The following NKAIN4 variants were observed in gnomAD, a reference collection of about 807,000 sequenced individuals.
The protein encoded by NKAIN4 is sodium/potassium-transporting ATPase subunit beta-1-interacting protein 4.
Under a neutral mutation model 28.8 loss-of-function variants are expected in NKAIN4, and 28 were observed. The ratio of observed to expected loss-of-function variants is 0.97; its 90% CI spans 0.72 to 1.33. The LOEUF (loss-of-function observed/expected upper bound fraction) is 1.33, where lower values mean the gene tolerates loss of function less well. Among genes scored for constraint, NKAIN4 ranks in the 40% most tolerant of loss-of-function variants. The pLI is 0.00. For missense variants in NKAIN4, 289 were observed against 277.2 expected, an observed-to-expected ratio of 1.04 and a Z score of -0.30; for synonymous variants, 122 against 115.6, an observed-to-expected ratio of 1.06 and a Z score of -0.36.
intron 2 of NKAIN4, among the ~76,000 whole-genome samples, chr20:63,249,672 G>A (rs2066921690): frequency 6.6e-6 from 1 of 152,158 alleles, no homozygotes; most frequent in East Asian, 1.9e-4. Flanking sequence ...GCTACTGAGG[G>A]GATGAATTCG....
chr20:63,244,011 G>A lies in NKAIN4; in HGVS notation c.532+13C>T. ...GTCTCCCGCCCCACTGCCTGCAGAG[G>A]CCCCATACTCACAGCTGTCCTCTTC... On this transcript the variant is annotated intron_variant, in intron 5 of 6. Coordinates refer to ENST00000370316, the MANE Select transcript of NKAIN4 (RefSeq NM_152864.4). The A allele has an allele frequency of 6.2e-7, 1 of 1,609,846 alleles. No individual in the cohort carries two copies. Among genetic ancestry groups the A allele is most frequent in the Non-Finnish European group, 8.5e-7 (1 of 1,176,848 alleles).
rs1238362365 is a variant in NKAIN4 at position 63,252,392 on chromosome 20, G to A, written c.54+2005C>T. Among the ~76,000 whole-genome samples the A allele has an allele frequency of 6.6e-6, 1 of 152,060 alleles. No homozygotes were observed. The highest frequency in any genetic ancestry group is 1.5e-5 in the Non-Finnish European group (1 of 68,000). ...CAAAGTTCACACTGTTCTTTGGGGA[G>A]AAAGGCGCTCAGAAGAGATGCCTGG... On this transcript the variant is annotated intron_variant, in intron 1 of 6. Transcript: ENST00000370316. The surrounding 1 kb of genome is among the most constrained non-coding windows in gnomAD (Gnocchi z 4.6).
intron 2 of NKAIN4, among the ~76,000 whole-genome samples, chr20:63,249,494 C>G (rs887358199): frequency 1.3e-5 from 2 of 152,182 alleles, no homozygotes; most frequent in Admixed American, 1.3e-4. Context: ...GCTGACTGAG[C>G]AGAGAGACAT....
At chr20:63,251,140 G>T (rs1453845145) in intron 1 of NKAIN4, among the ~76,000 whole-genome samples, 1 of 151,450 alleles carries the variant, frequency 6.6e-6, no homozygotes. Context: ...GCCCTTGCCT[G>T]CCTGGCAGCC....
Position 63,241,307 on chromosome 20 carries a change from G to A in NKAIN4, c.*190C>T, listed in dbSNP as rs147053244. 1.7e-3 allele frequency: 973 copies of A among 576,174 alleles called. 4 individuals are homozygous for A. Among genetic ancestry groups the A allele is most frequent in the African/African-American group, 0.014 (705 of 52,044 alleles). 35.7% of individuals were successfully genotyped at this position (576,174 alleles called of 1,614,324 possible). ...AAAGGAAATTACAAACTCTCTTGAC[G>A]CTGCAGCCAGCCGTGGCACTGCCCT... On this transcript the variant is annotated 3_prime_UTR_variant, in exon 7 of 7. Transcript: ENST00000370316.
intron 4 of NKAIN4, chr20:63,246,494 A>G: frequency 1.0e-6 from 1 of 985,044 alleles, no homozygotes; most frequent in Non-Finnish European, 1.2e-6. Context: ...AGAGCCCAGG[A>G]AGGAGCCCCG....
chr20:63,242,724 TGG>T, intron 5 of NKAIN4, 101 bp from the exon 6 acceptor site: 1 of 556,690 alleles, frequency 1.8e-6, no homozygotes, highest in Non-Finnish European at 2.9e-6. Context: ...AAGGGGTCCC[TGG>T]GGGCACAGAC....
upstream of NKAIN4, chr20:63,254,505 G>GCTCCGC: frequency 8.6e-7 from 1 of 1,157,932 alleles, no homozygotes; most frequent in Non-Finnish European, 1.1e-6. Context: ...CCCCGCCCCC[G>GCTCCGC]CTCCGCCCGC....
chr20:63,254,135 C>A, intron 1 of NKAIN4: 3 of 444,152 alleles, frequency 6.8e-6, no homozygotes, highest in South Asian at 2.7e-5. Flanking sequence ...GCCGCTGCCC[C>A]GCACCTGTCC....
At chr20:63,249,844 C>T (rs2066924450) in intron 2 of NKAIN4, 91 bp downstream of exon 2, 2 of 1,400,950 alleles carry the variant, frequency 1.4e-6, no homozygotes, top group East Asian at 2.3e-5. Context: ...CAGTGGTGTC[C>T]AGGAAAATAT....
At chr20:63,241,806 G>C in intron 6 of NKAIN4, 1 of 584,750 alleles carries the variant, frequency 1.7e-6, no homozygotes, top group Non-Finnish European at 3.3e-6. Context: ...CTGGCTCAGG[G>C]TCTGCGTGTG....
Position 63,248,791 on chromosome 20 carries a change from C to T in NKAIN4, c.273+24G>A, listed in dbSNP as rs117617608. 1.7e-3 allele frequency: 2,667 copies of T among 1,542,656 alleles called. 22 individuals are homozygous for T. Among genetic ancestry groups the T allele is most frequent in the East Asian group, 9.4e-3 (417 of 44,338 alleles). ...GCCCAGACCCCAGGGAAGGACCTCG[C>T]GCTGCCTCCCAGTCTGCACTCACCT... On this transcript the variant is annotated intron_variant, in intron 3 of 6. Transcript: ENST00000370316.
In NKAIN4 at chr20:63,248,889, G is replaced by A; in HGVS notation, c.199C>T (p.Leu67=). ...CAGGTGACCCAGACGGCTGCCCACA[G>A]CGTGTACTAGGGAGAGGAGAGGATG... ...YRLRYVMVYT[L]WAAVWVTWNV... Residue 67 remains leucine, a synonymous_variant, in exon 3 of 7, where the codon CTG becomes TTG. Transcript: ENST00000370316. 2 of 1,611,490 alleles carry A rather than the reference G, an allele frequency of 1.2e-6. No homozygotes were observed. The highest frequency in any genetic ancestry group is 1.7e-6 in the Non-Finnish European group (2 of 1,178,790).
Position 63,252,843 on chromosome 20 carries a change from C to A in NKAIN4, c.54+1554G>T, listed in dbSNP as rs1329556514. 6.6e-6 allele frequency among the ~76,000 whole-genome samples: 1 copy of A among 152,218 alleles called. No homozygotes were observed. Among genetic ancestry groups the A allele is most frequent in the African/African-American group, 2.4e-5 (1 of 41,448 alleles). The stretch of plus-strand genomic sequence containing the variant: ...GGTGAAACGGGAACATGACCCCACC[C>A]GCCCCTCTGCACCCTGAGGTCACAT... On this transcript the variant is annotated intron_variant, in intron 1 of 6. Coordinates refer to ENST00000370316, the MANE Select transcript of NKAIN4 (RefSeq NM_152864.4). The surrounding 1 kb of genome is among the most constrained non-coding windows in gnomAD (Gnocchi z 4.6).
chr20:63,246,020 C>T (rs879105743), intron 4 of NKAIN4, among the ~76,000 whole-genome samples: 2 of 151,996 alleles, frequency 1.3e-5, no homozygotes, highest in East Asian at 1.9e-4. Context: ...CTCTGCCTCC[C>T]GGGTTCATGC....
chr20:63,246,377 T>C (rs1361659321), intron 4 of NKAIN4, among the ~76,000 whole-genome samples: 4 of 152,216 alleles, frequency 2.6e-5, no homozygotes, highest in Non-Finnish European at 5.9e-5. Flanking sequence ...CCTTGCTGAC[T>C]GGCTTTGGTG....
rs1488848953 is a variant in NKAIN4 at position 63,252,038 on chromosome 20, C to T, written c.55-1966G>A. Among the ~76,000 whole-genome samples, 1 of 152,154 alleles carries T rather than the reference C, an allele frequency of 6.6e-6. No homozygotes were observed. Among genetic ancestry groups the T allele is most frequent in the Non-Finnish European group, 1.5e-5 (1 of 68,040 alleles). On this transcript the variant is annotated intron_variant, in intron 1 of 6. Transcript: ENST00000370316. This position sits in a 1 kb window ranked among gnomAD's most constrained non-coding sequence, Gnocchi z 4.6. ...CACAGTTCTGTGAGGTCTGGGCTGG[C>T]GGCTGGGACAAGCTGCACATCTCGG...
In NKAIN4 at chr20:63,249,916, G is replaced by A; in HGVS notation, c.192+19C>T. The A allele has an allele frequency of 6.2e-7, 1 of 1,602,700 alleles. No individual in the cohort carries two copies. The highest frequency in any genetic ancestry group is 8.5e-7 in the Non-Finnish European group (1 of 1,175,368). On this transcript the variant is annotated intron_variant, in intron 2 of 6. Coordinates refer to ENST00000370316, the MANE Select transcript of NKAIN4 (RefSeq NM_152864.4). ...CCTCAACCCACCTGCCCATAAAGAG[G>A]GCCGGGCCCAGGACTCACCACCATG...
chr20:63,249,950 C>A lies in NKAIN4; in HGVS notation c.177G>T (p.Leu59=). The part of the protein sequence containing the change: ...LGLFGTIQYR[L]RYVMVYTLWA... ...CAGGACTCACCACCATGACATAGCG[C>A]AGCCGGTACTGGATGGTGCCGAAGA... Residue 59 remains leucine, a synonymous_variant, in exon 2 of 7, where the codon CTG becomes CTT. Coordinates refer to ENST00000370316, the MANE Select transcript of NKAIN4 (RefSeq NM_152864.4). The A allele has an allele frequency of 1.2e-6, 2 of 1,613,382 alleles. No individual in the cohort carries two copies. The highest frequency in any genetic ancestry group is 8.5e-7 in the Non-Finnish European group (1 of 1,179,832).
Sources: gnomAD v4.1 joint callset for allele counts (sites outside exome capture counted in the v4.1 genomes callset) on GRCh38, gnomAD v4.1.1 for gene constraint, Gnocchi (gnomAD v3.1) non-coding constraint, MANE v1.5 for transcripts, NCBI Gene and HGNC (gene_info 2026-07-23, HGNC 2026-07-21) for gene names.